PARVA: variants seen among roughly 807,000 people sequenced by gnomAD.
PARVA encodes alpha-parvin.
In PARVA, 25 loss-of-function variants were observed where a neutral mutation model predicts 52.6. The ratio of observed to expected loss-of-function variants is 0.48; its 90% CI spans 0.35 to 0.66. The LOEUF (loss-of-function observed/expected upper bound fraction) is 0.66. PARVA is among the 30% of genes least tolerant of loss of function. The probability of loss-of-function intolerance (pLI) is 0.01; values close to 1 mark genes in which losing one functional copy is unlikely to be tolerated. For synonymous variants in PARVA, 185 were observed against 179.1 expected (o/e 1.03, Z -0.26); for missense variants, 373 against 450.9 (o/e 0.83, Z 1.56).
intron 1 of PARVA, among the ~76,000 whole-genome samples, chr11:12,423,612 T>C (rs901124501): frequency 5.9e-5 from 9 of 152,202 alleles, no homozygotes; most frequent in African/African-American, 2.2e-4. Flanking sequence ...GTTTAATTAG[T>C]TCATTAACCA....
intron 5 of PARVA, among the ~76,000 whole-genome samples, chr11:12,503,290 C>T (rs1457407929): frequency 6.6e-6 from 1 of 152,178 alleles, no homozygotes; most frequent in East Asian, 1.9e-4. Flanking sequence ...GTTCCTGACT[C>T]AATGTTTATT....
intron 4 of PARVA, among the ~76,000 whole-genome samples, chr11:12,491,546 T>C (rs1436414783): frequency 6.6e-6 from 1 of 152,186 alleles, no homozygotes. Context: ...CAGGACTAAT[T>C]TTTTTAAAGC....
intron 4 of PARVA, among the ~76,000 whole-genome samples, chr11:12,484,367 T>C (rs933867507): frequency 1.3e-5 from 2 of 152,160 alleles, no homozygotes; most frequent in African/African-American, 2.4e-5. Context: ...TTTTCAGAGA[T>C]GAGAGTCATA....
At chr11:12,377,889 G>A in intron 1 of PARVA, 106 bp downstream of exon 1, 3 of 589,328 alleles carry the variant, frequency 5.1e-6, no homozygotes, top group Non-Finnish European at 7.1e-6. Context: ...CGGGTGCCCG[G>A]CGCGGTGGGG....
Position 12,531,328 on chromosome 11 carries a change from G to A in PARVA, c.*3403G>A, listed in dbSNP as rs1199190393. ...TTTAATTATGAATTACTGTTAGCTT[G>A]CATTATCATCAGTTTGTTTTGTTGT... On this transcript the variant is annotated 3_prime_UTR_variant, in exon 13 of 13. Coordinates refer to ENST00000334956, the MANE Select transcript of PARVA (RefSeq NM_018222.5). 1.3e-5 allele frequency among the ~76,000 whole-genome samples: 2 copies of A among 152,116 alleles called. No individual in the cohort carries two copies. Among genetic ancestry groups the A allele is most frequent in the East Asian group, 3.8e-4 (2 of 5,196 alleles).
rs74941803 is a variant in PARVA, at chr11:12,409,356, C to G, written c.136+31573C>G. On this transcript the variant is annotated intron_variant, in intron 1 of 12. Transcript: ENST00000334956. Reference sequence around the variant, plus strand: ...TGTGGTAGGCTGAATAGTGGCAGCCCGAAAGTGTCTATGTCCTAATCCCTG... The same window carrying G: ...TGTGGTAGGCTGAATAGTGGCAGCCGGAAAGTGTCTATGTCCTAATCCCTG... 8.1e-3 allele frequency among the ~76,000 whole-genome samples: 1,238 copies of G among 152,138 alleles called. 20 individuals carry two copies. Among genetic ancestry groups the G allele is most frequent in the African/African-American group, 0.028 (1,160 of 41,472 alleles).
chr11:12,451,546 G>A (rs1444947492), intron 1 of PARVA, among the ~76,000 whole-genome samples: 1 of 151,234 alleles, frequency 6.6e-6, no homozygotes, highest in East Asian at 1.9e-4. Flanking sequence ...TTTTATATCT[G>A]TATTATTTCT....
intron 1 of PARVA, among the ~76,000 whole-genome samples, chr11:12,435,115 G>A (rs999917894): frequency 6.6e-6 from 1 of 152,184 alleles, no homozygotes; most frequent in Admixed American, 6.5e-5. Context: ...GTTTACCTGG[G>A]ACTTCCCAAT....
intron 4 of PARVA, among the ~76,000 whole-genome samples, chr11:12,484,979 A>AAT (rs1941141013): frequency 1.3e-5 from 2 of 151,472 alleles, no homozygotes; most frequent in Non-Finnish European, 2.9e-5. Flanking sequence ...ACACCCAACT[A>AAT]ATTTTTGTGT....
In PARVA at chr11:12,534,027, G is replaced by T. The variant is rs1263325048; in HGVS notation, c.*6102G>T. On this transcript the variant is annotated 3_prime_UTR_variant, in exon 13 of 13. Transcript: ENST00000334956. The stretch of plus-strand genomic sequence containing the variant: ...ACTAAAAATACAAAAAATTAGCCAG[G>T]TGTGGTGGTGCGTGCCTGTAATCCC... Among the ~76,000 whole-genome samples the T allele has an allele frequency of 1.3e-5, 2 of 152,262 alleles. No homozygotes were observed. The highest frequency in any genetic ancestry group is 3.9e-4 in the East Asian group (2 of 5,180).
intron 1 of PARVA, among the ~76,000 whole-genome samples, chr11:12,379,445 C>T (rs10741588): frequency 0.8 from 121,634 of 152,130 alleles, 50,883 homozygotes; most frequent in East Asian, 0.92. Context: ...TGCTAGACCA[C>T]TGGAATTCTA....
intron 1 of PARVA, among the ~76,000 whole-genome samples, chr11:12,454,445 G>A (rs1940666818): frequency 6.6e-6 from 1 of 151,934 alleles, no homozygotes; most frequent in Non-Finnish European, 1.5e-5. Flanking sequence ...TACATTAGTT[G>A]AATATTTTTT....
At chr11:12,411,719 A>ACCAG (rs1489961307) in intron 1 of PARVA, among the ~76,000 whole-genome samples, 89 of 152,282 alleles carry the variant, frequency 5.8e-4, no homozygotes, top group African/African-American at 2.1e-3. Flanking sequence ...ATTATGGATG[A>ACCAG]CCACTCCAGT....
At chr11:12,389,776 T>C (rs1939631010) in intron 1 of PARVA, among the ~76,000 whole-genome samples, 1 of 152,146 alleles carries the variant, frequency 6.6e-6, no homozygotes, top group South Asian at 2.1e-4. Context: ...AGGTATCTCA[T>C]TGCATCTCTG....
chr11:12,435,956 G>A (rs1485351467), intron 1 of PARVA, among the ~76,000 whole-genome samples: 1 of 152,054 alleles, frequency 6.6e-6, no homozygotes, highest in Non-Finnish European at 1.5e-5. Context: ...CTGAGTAGCT[G>A]GGACTACAGG....
At chr11:12,438,770 T>C (rs75530570) in intron 1 of PARVA, among the ~76,000 whole-genome samples, 1,807 of 152,264 alleles carry the variant, frequency 0.012, 37 homozygotes, top group African/African-American at 0.041. Flanking sequence ...CAGGGAGGTT[T>C]AGTTATTTGC....
At chr11:12,394,015 C>T (rs1338945874) in intron 1 of PARVA, among the ~76,000 whole-genome samples, 1 of 152,170 alleles carries the variant, frequency 6.6e-6, no homozygotes, top group Non-Finnish European at 1.5e-5. Flanking sequence ...ACAATAAAAA[C>T]CAATATTAAT....
At chr11:12,512,960 G>A (rs1377715198) in intron 8 of PARVA, among the ~76,000 whole-genome samples, 9 of 152,144 alleles carry the variant, frequency 5.9e-5, no homozygotes. Flanking sequence ...CTCTACAGAG[G>A]TTCAGAAACA....
chr11:12,378,537 T>G (rs904318849), intron 1 of PARVA, among the ~76,000 whole-genome samples: 4 of 151,810 alleles, frequency 2.6e-5, no homozygotes, highest in Non-Finnish European at 5.9e-5. Flanking sequence ...AAAACCTTTG[T>G]TTTTTCCCCA....
Sources: gnomAD v4.1 joint callset for allele counts (sites outside exome capture counted in the v4.1 genomes callset) on GRCh38, gnomAD v4.1.1 for gene constraint, MANE v1.5 for transcripts, NCBI Gene and HGNC (gene_info 2026-07-23, HGNC 2026-07-21) for gene names.